Variants in DRC9 observed in about 807,000 individuals in gnomAD.
DRC9 encodes dynein regulatory complex protein 9.
At chr3:197,920,888 ACATCTAAGCTAC>A in the DRC9 span, among the ~76,000 whole-genome samples, 2 of 152,146 alleles carry the variant, frequency 1.3e-5, no homozygotes, top group African/African-American at 4.8e-5. Flanking sequence ...TTAATCCTAC[ACATCTAAGCTAC>A]CACCAACACT....
the DRC9 span, chr3:197,906,509 A>G: frequency 6.6e-6 from 1 of 151,918 alleles, no homozygotes; most frequent in African/African-American, 2.4e-5. Context: ...AAAAACTTTT[A>G]GTAAGGTATC....
chr3:197,950,125 T>A, the DRC9 span: 1 of 1,231,768 alleles, frequency 8.1e-7, no homozygotes, highest in Non-Finnish European at 1.0e-6. Flanking sequence ...TTGGAGAAGA[T>A]GCCTAAATTG....
chr3:197,920,470 T>C, the DRC9 span, among the ~76,000 whole-genome samples: 1 of 148,906 alleles, frequency 6.7e-6, no homozygotes, highest in Non-Finnish European at 1.5e-5. Context: ...CTCATGCCTG[T>C]AATCCCAGCA....
the DRC9 span, chr3:197,943,797 C>T: frequency 1.9e-6 from 3 of 1,614,076 alleles, no homozygotes; most frequent in Non-Finnish European, 2.5e-6. Context: ...GCTCTGTCTC[C>T]CTTCGTACTG....
chr3:197,953,828 G>T, the DRC9 span: 1 of 677,540 alleles, frequency 1.5e-6, no homozygotes, highest in Non-Finnish European at 2.7e-6. Flanking sequence ...GAAGGGCCTG[G>T]CATACAATAG....
At chr3:197,899,979 C>T in the DRC9 span, among the ~76,000 whole-genome samples, 1 of 152,146 alleles carries the variant, frequency 6.6e-6, no homozygotes, top group Non-Finnish European at 1.5e-5. Context: ...GGGCGCGGCA[C>T]CTGAGATGTG....
the DRC9 span, chr3:197,957,797 G>A: frequency 2.0e-5 from 3 of 152,372 alleles, no homozygotes; most frequent in East Asian, 1.9e-4. Flanking sequence ...TGCCAGTTAA[G>A]TAGATGTGAT....
the DRC9 span, chr3:197,932,173 C>T: frequency 6.2e-7 from 1 of 1,611,222 alleles, no homozygotes; most frequent in Non-Finnish European, 8.5e-7. Flanking sequence ...ATGACTCTGA[C>T]CTGGCAATGA....
At chr3:197,950,394 C>T in the DRC9 span, 8 of 1,113,918 alleles carry the variant, frequency 7.2e-6, no homozygotes, top group Admixed American at 4.2e-5. Flanking sequence ...GGTGTTTGGT[C>T]CCCTGACACC....
chr3:197,904,619 C>T, the DRC9 span, among the ~76,000 whole-genome samples: 2 of 152,006 alleles, frequency 1.3e-5, no homozygotes, highest in Non-Finnish European at 2.9e-5. Flanking sequence ...AATCCCAGCA[C>T]TTTGGGAGGC....
the DRC9 span, among the ~76,000 whole-genome samples, chr3:197,936,095 C>T: frequency 2.0e-4 from 30 of 151,348 alleles, no homozygotes; most frequent in Admixed American, 2.6e-4. Context: ...ACTCAGGAGG[C>T]GGAGGTTGCA....
At chr3:197,891,920 C>CT in the DRC9 span, among the ~76,000 whole-genome samples, 2 of 152,162 alleles carry the variant, frequency 1.3e-5, no homozygotes, top group Non-Finnish European at 2.9e-5. Context: ...GAGTCTCACT[C>CT]TGTCTGTCAC....
chr3:197,917,613 T>G, the DRC9 span, among the ~76,000 whole-genome samples: 1 of 151,874 alleles, frequency 6.6e-6, no homozygotes, highest in Admixed American at 6.6e-5. Flanking sequence ...TGGCACAACT[T>G]ATATGCTCAA....
chr3:197,928,548 C>T, the DRC9 span, among the ~76,000 whole-genome samples: 1 of 152,054 alleles, frequency 6.6e-6, no homozygotes, highest in African/African-American at 2.4e-5. Context: ...TGGGGTGTCA[C>T]CATGTTGGCC....
the DRC9 span, among the ~76,000 whole-genome samples, chr3:197,928,227 A>G: frequency 6.6e-6 from 1 of 152,142 alleles, no homozygotes; most frequent in Non-Finnish European, 1.5e-5. Flanking sequence ...TTTTCTTACA[A>G]AACTAAGTTA....
the DRC9 span, among the ~76,000 whole-genome samples, chr3:197,895,067 A>AT: frequency 6.6e-6 from 1 of 152,032 alleles, no homozygotes; most frequent in Non-Finnish European, 1.5e-5. Flanking sequence ...TTAAAAAAAA[A>AT]AATCTGATTA....
chr3:197,891,500 C>G, the DRC9 span: 1 of 1,606,852 alleles, frequency 6.2e-7, no homozygotes, highest in Non-Finnish European at 8.5e-7. Context: ...TCTTGCTCCT[C>G]TCCTTTTCTA....
chr3:197,926,276 A>G, the DRC9 span, among the ~76,000 whole-genome samples: 37,914 of 151,954 alleles, frequency 0.25, 5,930 homozygotes, highest in African/African-American at 0.45. Flanking sequence ...GTTCCCAAGC[A>G]ATGCTAACAG....
the DRC9 span, among the ~76,000 whole-genome samples, chr3:197,923,651 G>A: frequency 6.6e-6 from 1 of 151,606 alleles, no homozygotes; most frequent in Non-Finnish European, 1.5e-5. Flanking sequence ...AATCATTTGA[G>A]CCTGGGAGGC....
Sources: gnomAD v4.1 joint callset for allele counts (sites outside exome capture counted in the v4.1 genomes callset) on GRCh38, gnomAD v4.1.1 for gene constraint, MANE v1.5 for transcripts, NCBI Gene and HGNC (gene_info 2026-07-23, HGNC 2026-07-21) for gene names.